The following SHROOM4 variants were observed in gnomAD, a reference collection of about 807,000 sequenced individuals.
SHROOM4 encodes protein Shroom4.
In SHROOM4, 17 loss-of-function variants were observed where a neutral mutation model predicts 80.3. The observed-to-expected ratio is 0.21, with a 90% CI of 0.14 to 0.32. SHROOM4 has a LOEUF of 0.32. SHROOM4 is among the 10% of genes least tolerant of loss of function. The pLI, the probability that SHROOM4 is intolerant of heterozygous loss-of-function variation, is 1.00. For synonymous variants in SHROOM4, 400 were observed against 437.5 expected, an observed-to-expected ratio of 0.91 and a Z score of 1.07; for missense variants, 993 against 1,140.3, an observed-to-expected ratio of 0.87 and a Z score of 1.86.
chrX:50,745,466 C>T (rs893356380), intron 1 of SHROOM4, among the ~76,000 whole-genome samples: 1 of 110,563 alleles, frequency 9.0e-6, no homozygotes. Flanking sequence ...AAAAACTGGG[C>T]CCTCGACTTG....
intron 1 of SHROOM4, among the ~76,000 whole-genome samples, chrX:50,780,925 G>C (rs1268943247): frequency 9.0e-6 from 1 of 111,377 alleles, no homozygotes. Context: ...TATGCCCTCT[G>C]TAAGCTGGGG....
At chrX:50,618,349 TTCC>T (rs1557251233) in intron 5 of SHROOM4, among the ~76,000 whole-genome samples, 4 of 11,822 alleles carry the variant, frequency 3.4e-4, no homozygotes, top group South Asian at 6.7e-3. Context: ...CCTTCCTTCC[TTCC>T]TTCCTTCCTT....
rs1180556710 is a variant in SHROOM4 at position 50,590,373 on chromosome X, A to G, written c.*6322T>C. 9.0e-6 allele frequency among the ~76,000 whole-genome samples: 1 copy of G among 110,751 alleles called. No individual in the cohort carries two copies. The highest frequency in any genetic ancestry group is 3.3e-5 in the African/African-American group (1 of 30,386). On this transcript the variant is annotated 3_prime_UTR_variant, in exon 9 of 9. Transcript: ENST00000376020. ...GCCATTCTCCTGCCTCAGCCTCCCG[A>G]CTAGCTGGGACTACAGGCACCTGCC...
In SHROOM4 at chrX:50,752,542, G is replaced by T. The variant is rs148384384; in HGVS notation, c.118-56605C>A. On this transcript the variant is annotated intron_variant, in intron 1 of 8. Transcript: ENST00000376020. ...TTTCCACCCTAAAAGGTTAAAAAAA[G>T]AAACTTACCTTCTACAAGGACCCTC... 8.6e-4 allele frequency among the ~76,000 whole-genome samples: 96 copies of T among 111,730 alleles called. 1 individual carries two copies. Among genetic ancestry groups the T allele is most frequent in the African/African-American group, 2.5e-3 (77 of 30,782 alleles).
rs1436683730 is a variant in SHROOM4 at position 50,588,144 on chromosome X, G to T, written c.*8551C>A. ...CTAGTCATCTTGCAGGCAGCTAACA[G>T]ACTACATTGTTCTCATCAGATGGTA... On this transcript the variant is annotated 3_prime_UTR_variant, in exon 9 of 9. Coordinates refer to ENST00000376020, the MANE Select transcript of SHROOM4 (RefSeq NM_020717.5). 3.6e-5 allele frequency among the ~76,000 whole-genome samples: 4 copies of T among 111,231 alleles called. No individual in the cohort carries two copies. The highest frequency in any genetic ancestry group is 1.3e-4 in the African/African-American group (4 of 30,579).
At chrX:50,776,420 G>T (rs781820328) in intron 1 of SHROOM4, among the ~76,000 whole-genome samples, 36 of 111,426 alleles carry the variant, frequency 3.2e-4, no homozygotes, top group Non-Finnish European at 4.7e-4. Context: ...TAGTGGCTTA[G>T]ATCATCTATT....
At chrX:50,583,481 G>A (rs782528461), downstream of SHROOM4, among the ~76,000 whole-genome samples, 1 of 111,591 alleles carries the variant, frequency 9.0e-6, no homozygotes, top group African/African-American at 3.3e-5. Context: ...ATATGGCAAA[G>A]GTGATAAAAT....
chrX:50,597,160 T>A (rs1456645985), intron 8 of SHROOM4, among the ~76,000 whole-genome samples, 196 bp from the exon 9 acceptor site: 1 of 112,596 alleles, frequency 8.9e-6, no homozygotes, highest in East Asian at 2.8e-4. Flanking sequence ...AGGGTAAACA[T>A]GACAACAATT....
At chrX:50,743,696 ATCT>A in intron 1 of SHROOM4, among the ~76,000 whole-genome samples, 1 of 111,162 alleles carries the variant, frequency 9.0e-6, no homozygotes, top group South Asian at 3.9e-4. Flanking sequence ...GGCTCAAGCG[ATCT>A]TCTTGCCTTG....
At chrX:50,676,357 C>A (rs1932853996) in intron 2 of SHROOM4, among the ~76,000 whole-genome samples, 1 of 109,403 alleles carries the variant, frequency 9.1e-6, no homozygotes, top group Non-Finnish European at 1.9e-5. Flanking sequence ...TCTTACAAAA[C>A]AAATATATGA....
At chrX:50,743,363 G>C in intron 1 of SHROOM4, among the ~76,000 whole-genome samples, 1 of 111,491 alleles carries the variant, frequency 9.0e-6, no homozygotes, top group Non-Finnish European at 1.9e-5. Flanking sequence ...TAATTACACT[G>C]TCTTAATCAC....
chrX:50,719,751 T>C (rs1338251045), intron 1 of SHROOM4, among the ~76,000 whole-genome samples: 2 of 112,441 alleles, frequency 1.8e-5, no homozygotes, highest in Non-Finnish European at 3.8e-5. Flanking sequence ...GCACTCTGAA[T>C]ATATGTGTTT....
chrX:50,786,127 G>A (rs1935735133), intron 1 of SHROOM4, among the ~76,000 whole-genome samples: 1 of 111,709 alleles, frequency 9.0e-6, no homozygotes, highest in African/African-American at 3.3e-5. Flanking sequence ...ACTTCCCCCT[G>A]TACAGAGCCA....
At chrX:50,598,161 C>A in intron 8 of SHROOM4, 105 bp downstream of exon 8, 1 of 1,072,862 alleles carries the variant, frequency 9.3e-7, no homozygotes, top group Non-Finnish European at 1.3e-6. Context: ...TGCTTTTAAT[C>A]CCATGCTCTA....
In SHROOM4 at chrX:50,594,612, T is replaced by A. The variant is rs962547469; in HGVS notation, c.*2083A>T. On this transcript the variant is annotated 3_prime_UTR_variant, in exon 9 of 9. Transcript: ENST00000376020. ...TGCTCTAGCCCACAAATTCTGAGAATGATGAAACATATCAGCCTCATCCTC... is the reference window on the plus strand; with the variant it reads ...TGCTCTAGCCCACAAATTCTGAGAAAGATGAAACATATCAGCCTCATCCTC... 1 of 111,693 alleles carries A rather than the reference T, an allele frequency of 9.0e-6. No individual in the cohort carries two copies. The highest frequency in any genetic ancestry group is 9.5e-5 in the Admixed American group (1 of 10,539). The allele number at this position is 111,693 out of a possible 1,213,427, so 9.2% of individuals were successfully genotyped here. A position where few individuals can be genotyped will look rare whatever the true frequency, so the allele number is the denominator to read the frequency against.
intron 2 of SHROOM4, among the ~76,000 whole-genome samples, chrX:50,681,149 A>T (rs1602428858): frequency 9.0e-6 from 1 of 111,107 alleles, no homozygotes; most frequent in East Asian, 2.9e-4. Context: ...AATTATTCCA[A>T]GTAGCCTCCT....
At chrX:50,650,261 T>C (rs1479429604) in intron 2 of SHROOM4, among the ~76,000 whole-genome samples, 1 of 112,738 alleles carries the variant, frequency 8.9e-6, no homozygotes, top group East Asian at 2.8e-4. Context: ...TATTTATCTT[T>C]GTGTGGTGGA....
At position 50,600,330 on chromosome X, in the gene SHROOM4, T is replaced by G. The variant is rs377212359; in HGVS notation, c.3943-1795A>C. 4.5e-5 allele frequency among the ~76,000 whole-genome samples: 5 copies of G among 111,556 alleles called. No homozygotes were observed. In the East Asian group the frequency reaches 1.4e-3, roughly 31 times the overall value. ...TGCCCATAGCCTCTGTAGACAGTACTGCTTTGTGGTTAAGAGCACAGAGAC... is the reference window on the plus strand; with the variant it reads ...TGCCCATAGCCTCTGTAGACAGTACGGCTTTGTGGTTAAGAGCACAGAGAC... On this transcript the variant is annotated intron_variant, in intron 7 of 8. Transcript: ENST00000376020.
chrX:50,578,912 T>C, the SHROOM4 span, among the ~76,000 whole-genome samples: 1 of 111,910 alleles, frequency 8.9e-6, no homozygotes, highest in East Asian at 2.8e-4. Context: ...AGGGCAAGTA[T>C]ACACTGGTAG....
Sources: allele counts gnomAD v4.1 joint callset (sites outside exome capture counted in the v4.1 genomes callset), GRCh38; gene constraint gnomAD v4.1.1; transcripts MANE v1.5; gene names NCBI Gene and HGNC (gene_info 2026-07-23, HGNC 2026-07-21).